ANGPT1: variants seen among roughly 807,000 people sequenced by gnomAD.
The protein encoded by ANGPT1 is angiopoietin 1, also known as angiopoietin-1.
In ANGPT1, 17 loss-of-function variants were observed where a neutral mutation model predicts 62.2. The observed-to-expected ratio is 0.27, with a 90% CI of 0.19 to 0.41. The LOEUF is 0.41. Ranked by LOEUF, ANGPT1 falls within the 10% of genes least tolerant of loss-of-function variation. The pLI, the probability that ANGPT1 is intolerant of heterozygous loss-of-function variation, is 1.00. For synonymous variants in ANGPT1, 199 were observed against 198.9 expected, an observed-to-expected ratio of 1.00 and a Z score of 0.00; for missense variants, 478 against 594.9, an observed-to-expected ratio of 0.80 and a Z score of 2.04.
At chr8:107,429,141 A>G (rs1459530105) in intron 1 of ANGPT1, among the ~76,000 whole-genome samples, 1 of 152,224 alleles carries the variant, frequency 6.6e-6, no homozygotes, top group East Asian at 1.9e-4. Flanking sequence ...ATAACTAAGT[A>G]CCAATTGCTC....
At chr8:107,349,309 A>G (rs1815883026) in intron 1 of ANGPT1, among the ~76,000 whole-genome samples, 1 of 152,104 alleles carries the variant, frequency 6.6e-6, no homozygotes, top group African/African-American at 2.4e-5. Context: ...ACAGTCTCCC[A>G]TTGAGCAGCC....
At chr8:107,331,195 T>C (rs1160736575) in intron 3 of ANGPT1, among the ~76,000 whole-genome samples, 1 of 152,174 alleles carries the variant, frequency 6.6e-6, no homozygotes, top group East Asian at 1.9e-4. Context: ...TGTATTTTAT[T>C]GCAATAATTA....
chr8:107,299,330 A>G (rs1461103903), intron 5 of ANGPT1, among the ~76,000 whole-genome samples: 1 of 147,160 alleles, frequency 6.8e-6, no homozygotes, highest in Non-Finnish European at 1.5e-5. Context: ...TTAACTTTCT[A>G]AAGTAGGGAT....
chr8:107,291,518 T>TC (rs771797957), intron 6 of ANGPT1, among the ~76,000 whole-genome samples: 2 of 152,044 alleles, frequency 1.3e-5, no homozygotes, highest in Non-Finnish European at 2.9e-5. Flanking sequence ...TTCAAGCGAT[T>TC]CCCCTGCCTC....
At chr8:107,279,794 A>G (rs1223917451) in intron 7 of ANGPT1, among the ~76,000 whole-genome samples, 2 of 152,050 alleles carry the variant, frequency 1.3e-5, no homozygotes, top group African/African-American at 4.8e-5. Flanking sequence ...GAGAGAGCAC[A>G]AGTTAAAGAT....
intron 1 of ANGPT1, among the ~76,000 whole-genome samples, chr8:107,385,510 T>C (rs866105249): frequency 2.6e-5 from 4 of 152,266 alleles, no homozygotes; most frequent in South Asian, 2.1e-4. Context: ...AAGTTGTTTA[T>C]CAGATCTAAG....
At chr8:107,257,493 C>G (rs1270796569) in intron 8 of ANGPT1, among the ~76,000 whole-genome samples, 2 of 152,154 alleles carry the variant, frequency 1.3e-5, no homozygotes, top group African/African-American at 2.4e-5. Context: ...TGATTCTAAA[C>G]AAAACACCTC....
At chr8:107,290,631 A>T (rs1283955621) in intron 6 of ANGPT1, among the ~76,000 whole-genome samples, 1 of 152,238 alleles carries the variant, frequency 6.6e-6, no homozygotes, top group African/African-American at 2.4e-5. Flanking sequence ...GAATATTTTC[A>T]ATTAAAAAAA....
rs768981883 is a variant in ANGPT1 at position 107,284,770 on chromosome 8, G to T, written c.1117C>A (p.Leu373Ile). Residue 373 changes from leucine to isoleucine, a missense_variant, in exon 7 of 9, where the codon CTA becomes ATA. Leu to Ile is a conservative substitution (Grantham distance 5). Transcript: ENST00000517746. ...FAITSQRQYM[L>I]RIELMDWEGN... ...TCCCAGTCCATTAACTCAATTCTTAGCATGTACTGCCTCTGACTGGTAATG... is the reference window on the plus strand; with the variant it reads ...TCCCAGTCCATTAACTCAATTCTTATCATGTACTGCCTCTGACTGGTAATG... 6.2e-7 allele frequency: 1 copy of T among 1,611,930 alleles called. No homozygotes were observed. The highest frequency in any genetic ancestry group is 2.2e-5 in the East Asian group (1 of 44,778).
At chr8:107,301,957 G>A (rs768726831) in intron 5 of ANGPT1, among the ~76,000 whole-genome samples, 1 of 151,888 alleles carries the variant, frequency 6.6e-6, no homozygotes, top group African/African-American at 2.4e-5. Context: ...TGGGCTCCAG[G>A]ATTCATTTCC....
At chr8:107,321,824 G>A (rs1815156119) in intron 4 of ANGPT1, 72 bp downstream of exon 4, 1 of 1,317,616 alleles carries the variant, frequency 7.6e-7, no homozygotes, top group Non-Finnish European at 1.1e-6. Context: ...ACTGTAGAAA[G>A]CTATATTGAG....
chr8:107,258,116 C>G (rs1218015476), intron 8 of ANGPT1, among the ~76,000 whole-genome samples: 2 of 151,326 alleles, frequency 1.3e-5, no homozygotes, highest in African/African-American at 4.9e-5. Context: ...TGCTTTTAAC[C>G]ATGTTTAAAT....
intron 1 of ANGPT1, among the ~76,000 whole-genome samples, chr8:107,461,241 T>C (rs2130477000): frequency 6.6e-6 from 1 of 152,252 alleles, no homozygotes; most frequent in East Asian, 1.9e-4. Context: ...GCATTTCACT[T>C]TTGAAATTTG....
At chr8:107,301,471 T>C (rs1029590580) in intron 5 of ANGPT1, among the ~76,000 whole-genome samples, 17 of 151,810 alleles carry the variant, frequency 1.1e-4, no homozygotes, top group African/African-American at 1.9e-4. Context: ...TGTGTGTGAA[T>C]TGAATTTAAG....
rs763879640 is a variant in ANGPT1 at position 107,442,047 on chromosome 8, G to A, written c.297+55215C>T. On this transcript the variant is annotated intron_variant, in intron 1 of 8. Transcript: ENST00000517746. ...TGCAGTGAGCCAAGATCACGCCATC[G>A]CACTCCAGCCTCGGTGACAGAGTGA... Among the ~76,000 whole-genome samples the A allele has an allele frequency of 5.9e-5, 9 of 152,004 alleles. No individual in the cohort carries two copies. In the South Asian group the frequency reaches 1.2e-3, roughly 21 times the overall value.
At chr8:107,328,852 T>C (rs1396953098) in intron 3 of ANGPT1, among the ~76,000 whole-genome samples, 2 of 151,920 alleles carry the variant, frequency 1.3e-5, no homozygotes, top group Non-Finnish European at 2.9e-5. Context: ...CTTGTGAATA[T>C]CTATAAAAAA....
intron 7 of ANGPT1, among the ~76,000 whole-genome samples, chr8:107,267,514 C>T (rs1586172313): frequency 6.6e-6 from 1 of 152,048 alleles, no homozygotes; most frequent in Non-Finnish European, 1.5e-5. Context: ...CTATTTAAGA[C>T]TTGGAGGTCA....
intron 1 of ANGPT1, among the ~76,000 whole-genome samples, chr8:107,423,049 T>C (rs1309668048): frequency 6.6e-6 from 1 of 152,172 alleles, no homozygotes; most frequent in Admixed American, 6.5e-5. Context: ...AAGATTAAAG[T>C]GCTGATGTGC....
rs536205827 is a variant in ANGPT1 at position 107,311,735 on chromosome 8, G to A, written c.809-8368C>T. Among the ~76,000 whole-genome samples the A allele has an allele frequency of 2.6e-5, 4 of 152,226 alleles. No homozygotes were observed. The South Asian group carries it at 8.3e-4, about 32-fold the overall frequency. ...AAACGAATCTCATGTGTATAACAAC[G>A]TATATTCAATGCCTATTACTACCTA... is the stretch of plus-strand genomic sequence containing the variant. On this transcript the variant is annotated intron_variant, in intron 4 of 8. Coordinates refer to ENST00000517746, the MANE Select transcript of ANGPT1 (RefSeq NM_001146.5).
Sources: gnomAD v4.1 joint callset for allele counts (sites outside exome capture counted in the v4.1 genomes callset) on GRCh38, gnomAD v4.1.1 for gene constraint, MANE v1.5 for transcripts, NCBI Gene and HGNC (gene_info 2026-07-23, HGNC 2026-07-21) for gene names.